ZBTB8A: variants seen among roughly 807,000 people sequenced by gnomAD.
The protein encoded by ZBTB8A is zinc finger and BTB domain-containing protein 8A.
Under a neutral mutation model 37.8 loss-of-function variants are expected in ZBTB8A, and 19 were observed. That is an observed-to-expected ratio of 0.50 (90% CI 0.35 to 0.74). The LOEUF is 0.74. Ranked by LOEUF, ZBTB8A falls within the 30% of genes least tolerant of loss-of-function variation. The probability of loss-of-function intolerance (pLI) is 0.01; values close to 1 mark genes in which losing one functional copy is unlikely to be tolerated. For missense variants in ZBTB8A, 394 were observed against 537.8 expected (o/e 0.73, Z 2.65); for synonymous variants, 181 against 185.2 (o/e 0.98, Z 0.19).
intron 2 of ZBTB8A, among the ~76,000 whole-genome samples, chr1:32,557,984 T>C (rs1644215688): frequency 1.3e-5 from 2 of 152,208 alleles, no homozygotes; most frequent in Admixed American, 1.3e-4. Flanking sequence ...AAAACAAATA[T>C]CTGTCCCTTT....
chr1:32,574,866 C>T (rs1644348438), intron 2 of ZBTB8A, among the ~76,000 whole-genome samples: 1 of 152,066 alleles, frequency 6.6e-6, no homozygotes, highest in Non-Finnish European at 1.5e-5. Flanking sequence ...CAGACTTGAC[C>T]TCCTAAGCAC....
chr1:32,577,471 A>G (rs1423018409), intron 2 of ZBTB8A, among the ~76,000 whole-genome samples: 1 of 149,064 alleles, frequency 6.7e-6, no homozygotes, highest in Non-Finnish European at 1.5e-5. Context: ...TTTTTTTTTT[A>G]ACTTTAGTTC....
At chr1:32,559,455 G>C (rs1441055052) in intron 2 of ZBTB8A, among the ~76,000 whole-genome samples, 1 of 150,806 alleles carries the variant, frequency 6.6e-6, no homozygotes, top group Non-Finnish European at 1.5e-5. Context: ...CAAGGTGACA[G>C]TATTTTTTTG....
At chr1:32,567,029 C>T (rs758911502) in intron 2 of ZBTB8A, among the ~76,000 whole-genome samples, 2 of 152,150 alleles carry the variant, frequency 1.3e-5, no homozygotes, top group Non-Finnish European at 2.9e-5. Flanking sequence ...AGTCCATTCT[C>T]GCATTGCTAT....
At chr1:32,595,278 G>T (rs747503390) in intron 4 of ZBTB8A, 55 bp downstream of exon 4, 8 of 1,575,732 alleles carry the variant, frequency 5.1e-6, no homozygotes, top group Non-Finnish European at 6.9e-6. Context: ...TTTTGTTTTT[G>T]TTTTTTTGAG....
rs114653900 is a variant in ZBTB8A at position 32,599,390 on chromosome 1, C to A, written c.994-697C>A. Among the ~76,000 whole-genome samples, 1,463 of 151,860 alleles carry A rather than the reference C, an allele frequency of 9.6e-3. 24 individuals are homozygous for A. Among genetic ancestry groups the A allele is most frequent in the African/African-American group, 0.033 (1,369 of 41,436 alleles). ...CAGTGAGCCATGGTCACCACTACAC[C>A]GTAGCCTGGGTGACAGAGCGAGACC... On this transcript the variant is annotated intron_variant, in intron 4 of 4. Transcript: ENST00000373510.
At chr1:32,597,130 C>A (rs1644539479) in intron 4 of ZBTB8A, among the ~76,000 whole-genome samples, 1 of 152,082 alleles carries the variant, frequency 6.6e-6, no homozygotes, top group South Asian at 2.1e-4. Context: ...TCTCAGCCTC[C>A]CGAGTAGCTG....
chr1:32,567,716 C>T (rs574904879), intron 2 of ZBTB8A, among the ~76,000 whole-genome samples: 22 of 129,148 alleles, frequency 1.7e-4, no homozygotes, highest in South Asian at 2.7e-4. Flanking sequence ...GGCGTGAACC[C>T]GGGAGGCGGA....
chr1:32,587,507 G>C (rs777301942), intron 2 of ZBTB8A, among the ~76,000 whole-genome samples: 1 of 151,994 alleles, frequency 6.6e-6, no homozygotes, highest in African/African-American at 2.4e-5. Flanking sequence ...TTGGCTGGGC[G>C]TGGTGGCTCA....
Position 32,600,444 on chromosome 1 carries a change from G to A in ZBTB8A, c.*25G>A, listed in dbSNP as rs572069010. ...GCTGTAATGTGAACCAACAGAGCTG[G>A]CATGTCTGCAATTTACATTGACTTC... On this transcript the variant is annotated 3_prime_UTR_variant, in exon 5 of 5. Coordinates refer to ENST00000373510, the MANE Select transcript of ZBTB8A (RefSeq NM_001040441.3). 1 of 1,542,040 alleles carries A rather than the reference G, an allele frequency of 6.5e-7. No individual in the cohort carries two copies. Among genetic ancestry groups the A allele is most frequent in the Admixed American group, 1.8e-5 (1 of 55,944 alleles).
Position 32,600,270 on chromosome 1 carries a change from G to A in ZBTB8A, c.1177G>A (p.Gly393Arg). Residue 393 changes from glycine to arginine, a missense_variant, in exon 5 of 5, where the codon GGA becomes AGA. By Grantham distance (125) the Gly-to-Arg change is moderately radical. Coordinates refer to ENST00000373510, the MANE Select transcript of ZBTB8A (RefSeq NM_001040441.3). ...ACAACATCTTATGTCCCCATCAGAT[G>A]GAGATAAGGATTCCAGATGGCACTT... is the stretch of plus-strand genomic sequence containing the variant. The part of the protein sequence containing the change: ...AEQHLMSPSD[G>R]DKDSRWHLSE... 1 of 1,614,170 alleles carries A rather than the reference G, an allele frequency of 6.2e-7. No individual in the cohort carries two copies. The highest frequency in any genetic ancestry group is 8.5e-7 in the Non-Finnish European group (1 of 1,180,014).
chr1:32,576,246 G>A (rs1644358135), intron 2 of ZBTB8A, among the ~76,000 whole-genome samples: 2 of 152,172 alleles, frequency 1.3e-5, no homozygotes, highest in African/African-American at 2.4e-5. Flanking sequence ...AAAGCCAAAA[G>A]TATTTACTGT....
At chr1:32,559,327 G>T (rs1644226304) in intron 2 of ZBTB8A, among the ~76,000 whole-genome samples, 1 of 152,214 alleles carries the variant, frequency 6.6e-6, no homozygotes, top group East Asian at 1.9e-4. Context: ...GGCCAGGCTG[G>T]TCTCAAACTC....
rs146762804 is a variant in ZBTB8A at position 32,586,972 on chromosome 1, C to T, written c.-1-5959C>T. On this transcript the variant is annotated intron_variant, in intron 2 of 4. Transcript: ENST00000373510. ...TTAAAATAGCCTTTAGGGTCAGGTG[C>T]GGTGGCTCACGCCTGTAATCCCAGC... Among the ~76,000 whole-genome samples the T allele has an allele frequency of 3.0e-3, 449 of 152,120 alleles. 8 individuals carry two copies. The highest frequency in any genetic ancestry group is 9.5e-3 in the African/African-American group (392 of 41,468).
intron 2 of ZBTB8A, among the ~76,000 whole-genome samples, chr1:32,590,076 TC>T (rs1344262282): frequency 6.6e-6 from 1 of 151,762 alleles, no homozygotes; most frequent in African/African-American, 2.4e-5. Flanking sequence ...CGTTAATTTT[TC>T]TTTTTTTTTA....
intron 1 of ZBTB8A, among the ~76,000 whole-genome samples, chr1:32,552,063 AAGTT>A (rs1644160878): frequency 6.6e-6 from 1 of 152,030 alleles, no homozygotes; most frequent in Non-Finnish European, 1.5e-5. Context: ...TTTCTTGTCA[AAGTT>A]AAAAAGTATG....
rs764649415 is a variant in ZBTB8A, at chr1:32,593,106, G to C, written c.175G>C (p.Glu59Gln). The C allele has an allele frequency of 6.2e-7, 1 of 1,614,182 alleles. No individual in the cohort carries two copies. The highest frequency in any genetic ancestry group is 1.7e-5 in the Admixed American group (1 of 60,012). Residue 59 changes from glutamate to glutamine, a missense_variant, in exon 3 of 5, where the codon GAG (glutamate) becomes CAG (glutamine). Coordinates refer to ENST00000373510, the MANE Select transcript of ZBTB8A (RefSeq NM_001040441.3). ...FKMLLSQNSK[E>Q]TSQPTTATFQ... ...AATGCTTCTTTCTCAGAATTCAAAG[G>C]AGACGAGTCAGCCAACCACAGCTAC... is the stretch of plus-strand genomic sequence containing the variant.
At chr1:32,590,067 G>A (rs12124774) in intron 2 of ZBTB8A, among the ~76,000 whole-genome samples, 17,085 of 151,524 alleles carry the variant, frequency 0.11, 1,083 homozygotes, top group African/African-American at 0.18. Context: ...CAATTTTCAC[G>A]TTAATTTTTC....
intron 1 of ZBTB8A, among the ~76,000 whole-genome samples, chr1:32,550,816 G>T (rs1223666378): frequency 1.3e-5 from 2 of 151,866 alleles, no homozygotes; most frequent in Non-Finnish European, 2.9e-5. Context: ...AATTAGGCGG[G>T]TGTGGTGGCA....
Sources: allele counts gnomAD v4.1 joint callset (sites outside exome capture counted in the v4.1 genomes callset), GRCh38; gene constraint gnomAD v4.1.1; transcripts MANE v1.5; gene names NCBI Gene and HGNC (gene_info 2026-07-23, HGNC 2026-07-21).